Variants in LAMA2 observed in about 807,000 individuals in gnomAD.
LAMA2 encodes laminin subunit alpha 2, also known as laminin subunit alpha-2.
Under a neutral mutation model 364.8 loss-of-function variants are expected in LAMA2, and 269 were observed. The observed-to-expected ratio is 0.74, with a 90% CI of 0.67 to 0.82. The LOEUF (loss-of-function observed/expected upper bound fraction) is 0.82, where lower values mean the gene tolerates loss of function less well. LAMA2 is among the 40% of genes least tolerant of loss of function. The pLI, the probability that LAMA2 is intolerant of heterozygous loss-of-function variation, is 0.00. For synonymous variants in LAMA2, 1,379 were observed against 1,370.6 expected, an observed-to-expected ratio of 1.01 and a Z score of -0.14; for missense variants, 3,807 against 3,873.2, an observed-to-expected ratio of 0.98 and a Z score of 0.45.
At chr6:128,964,110 T>A (rs1562875779) in intron 1 of LAMA2, among the ~76,000 whole-genome samples, 1 of 152,078 alleles carries the variant, frequency 6.6e-6, no homozygotes, top group Non-Finnish European at 1.5e-5. Flanking sequence ...CATTAAAGCC[T>A]GGAGTGCAGA....
intron 12 of LAMA2, among the ~76,000 whole-genome samples, chr6:129,234,219 T>C (rs111580787): frequency 3.3e-5 from 5 of 152,318 alleles, no homozygotes; most frequent in African/African-American, 1.2e-4. Context: ...ATATATGCAT[T>C]AGATAAAAAG....
intron 12 of LAMA2, among the ~76,000 whole-genome samples, chr6:129,225,761 G>T (rs1784211280): frequency 6.6e-6 from 1 of 152,130 alleles, no homozygotes; most frequent in Non-Finnish European, 1.5e-5. Context: ...CAACTATGTG[G>T]TCAATTTTGG....
chr6:129,516,493 A>T lies in LAMA2; in HGVS notation c.*146A>T. On this transcript the variant is annotated 3_prime_UTR_variant, in exon 65 of 65. Coordinates refer to ENST00000421865, the MANE Select transcript of LAMA2 (RefSeq NM_000426.4). ...CTGTATTCAGATGGTGCTAATTCAG[A>T]CTCCAGACTGAATTTTAATTCAAGT... 3 of 757,504 alleles carry T rather than the reference A, an allele frequency of 4.0e-6. No individual in the cohort carries two copies. The highest frequency in any genetic ancestry group is 6.7e-6 in the Non-Finnish European group (3 of 447,424). The allele number at this position is 757,504 out of a possible 1,614,324, so 46.9% of individuals were successfully genotyped here. A position where few individuals can be genotyped will look rare whatever the true frequency, so the allele number is the denominator to read the frequency against.
intron 10 of LAMA2, among the ~76,000 whole-genome samples, chr6:129,184,284 A>G (rs376491577): frequency 6.6e-6 from 1 of 152,006 alleles, no homozygotes; most frequent in Non-Finnish European, 1.5e-5. Context: ...CAATGTGTAC[A>G]TTTAATCCTG....
At position 129,190,365 on chromosome 6, in the gene LAMA2, T is replaced by C. The variant is rs750370868; in HGVS notation, c.1608+20T>C. 6.2e-7 allele frequency: 1 copy of C among 1,611,742 alleles called. No individual in the cohort carries two copies. Among genetic ancestry groups the C allele is most frequent in the Non-Finnish European group, 8.5e-7 (1 of 1,178,312 alleles). On this transcript the variant is annotated intron_variant, in intron 11 of 64. Transcript: ENST00000421865. ...GGCAAAGTAAGCAAGCACCATTTGG[T>C]TCTGTTTGCTGCCCCAGCAGCCTTC...
intron 30 of LAMA2, among the ~76,000 whole-genome samples, chr6:129,343,457 G>A (rs1290562708): frequency 6.6e-6 from 1 of 152,126 alleles, no homozygotes; most frequent in Non-Finnish European, 1.5e-5. Context: ...GGTGTCAAAT[G>A]TCAATTTTTA....
intron 1 of LAMA2, among the ~76,000 whole-genome samples, chr6:128,891,919 G>A (rs1031039945): frequency 6.6e-6 from 1 of 152,088 alleles, no homozygotes; most frequent in African/African-American, 2.4e-5. Flanking sequence ...TATGGACTTA[G>A]GAGAAGGCTA....
chr6:129,363,782 C>G (rs1167213313), intron 32 of LAMA2, among the ~76,000 whole-genome samples: 1 of 152,222 alleles, frequency 6.6e-6, no homozygotes, highest in Non-Finnish European at 1.5e-5. Context: ...CTGAGGCCCA[C>G]TAAAGCTTGA....
rs78811581 is a variant in LAMA2, at chr6:129,023,975, G to A, written c.113-25943G>A. Among the ~76,000 whole-genome samples the A allele has an allele frequency of 7.4e-3, 1,120 of 152,228 alleles. 16 individuals carry two copies. The highest frequency in any genetic ancestry group is 0.026 in the African/African-American group (1,060 of 41,528). On this transcript the variant is annotated intron_variant, in intron 1 of 64. Transcript: ENST00000421865. Reference sequence around the variant, plus strand: ...GTTTTAGAGACGAGGCAGGTGAATAGGTATAGACTGAATGCTCCTAAGCTA... The same window carrying A: ...GTTTTAGAGACGAGGCAGGTGAATAAGTATAGACTGAATGCTCCTAAGCTA...
chr6:129,081,257 G>C (rs1446859571), intron 3 of LAMA2, among the ~76,000 whole-genome samples: 1 of 151,764 alleles, frequency 6.6e-6, no homozygotes, highest in Admixed American at 6.6e-5. Flanking sequence ...GTGGGGTGAG[G>C]GGGGAGGGAT....
rs752587258 is a variant in LAMA2 at position 129,503,285 on chromosome 6, T to C, written c.8547+5T>C. The C allele has an allele frequency of 6.2e-7, 1 of 1,612,400 alleles. No homozygotes were observed. The highest frequency in any genetic ancestry group is 1.1e-5 in the South Asian group (1 of 91,032). ...AATGATGGCCAGTGGCACAAGGTAA[T>C]AGTCCCCTGGATATTGGCAGTACCC... On this transcript the variant is annotated splice_donor_5th_base_variant and intron_variant, in intron 60 of 64. Transcript: ENST00000421865.
intron 45 of LAMA2, among the ~76,000 whole-genome samples, chr6:129,450,600 T>A (rs1782627274): frequency 6.6e-6 from 1 of 152,176 alleles, no homozygotes; most frequent in Admixed American, 6.5e-5. Flanking sequence ...GGATTACAGA[T>A]GTGAGCCATC....
chr6:129,052,312 T>A (rs1325975429), intron 2 of LAMA2, among the ~76,000 whole-genome samples: 2 of 148,998 alleles, frequency 1.3e-5, no homozygotes, highest in African/African-American at 5.1e-5. Context: ...ATTCTTTTTT[T>A]TTTTTTTTTG....
At chr6:129,321,431 T>C (rs1774961464) in intron 28 of LAMA2, among the ~76,000 whole-genome samples, 1 of 152,162 alleles carries the variant, frequency 6.6e-6, no homozygotes, top group African/African-American at 2.4e-5. Context: ...TAACTACCAC[T>C]ACACTTTCAC....
chr6:129,441,462 A>G (rs1782112377), intron 43 of LAMA2, among the ~76,000 whole-genome samples: 1 of 152,130 alleles, frequency 6.6e-6, no homozygotes, highest in African/African-American at 2.4e-5. Context: ...TTGATATTTT[A>G]TTATTTAGAT....
chr6:129,351,524 A>C (rs551726165), intron 31 of LAMA2, among the ~76,000 whole-genome samples: 1 of 152,216 alleles, frequency 6.6e-6, no homozygotes, highest in Admixed American at 6.5e-5. Flanking sequence ...TTATTCAGCT[A>C]TATTAAACCA....
chr6:128,918,016 C>A (rs559971396), intron 1 of LAMA2, among the ~76,000 whole-genome samples: 1 of 152,070 alleles, frequency 6.6e-6, no homozygotes, highest in African/African-American at 2.4e-5. Flanking sequence ...TAGGCATGAG[C>A]CACTGCACCT....
intron 56 of LAMA2, among the ~76,000 whole-genome samples, chr6:129,489,755 T>G (rs1784767783): frequency 6.6e-6 from 1 of 152,198 alleles, no homozygotes; most frequent in Non-Finnish European, 1.5e-5. Flanking sequence ...TAGATTCTAT[T>G]TATTATGTAA....
chr6:129,267,618 C>T (rs1787608732), intron 16 of LAMA2, among the ~76,000 whole-genome samples: 1 of 151,838 alleles, frequency 6.6e-6, no homozygotes. Flanking sequence ...TTATAGTAAA[C>T]ATAATTAAGT....
Sources: allele counts gnomAD v4.1 joint callset (sites outside exome capture counted in the v4.1 genomes callset), GRCh38; gene constraint gnomAD v4.1.1; transcripts MANE v1.5; gene names NCBI Gene and HGNC (gene_info 2026-07-23, HGNC 2026-07-21).